FTCDNL1: variants seen among roughly 807,000 people sequenced by gnomAD.
The protein encoded by FTCDNL1 is formiminotransferase cyclodeaminase N-terminal like, also known as formiminotransferase N-terminal subdomain-containing protein.
Under a neutral mutation model 5.9 loss-of-function variants are expected in FTCDNL1, and 11 were observed. The ratio of observed to expected loss-of-function variants is 1.87; its 90% CI spans 1.18 to 3.10. The LOEUF (loss-of-function observed/expected upper bound fraction) is 3.10. Among genes scored for constraint, FTCDNL1 ranks in the 30% most tolerant of loss-of-function variants. The pLI is 0.00. For missense variants in FTCDNL1, 115 were observed against 65.5 expected, an observed-to-expected ratio of 1.76 and a Z score of -2.61; for synonymous variants, 58 against 24.8, an observed-to-expected ratio of 2.34 and a Z score of -3.99.
At chr2:199,720,013 C>A in the FTCDNL1 span, among the ~76,000 whole-genome samples, 2 of 151,990 alleles carry the variant, frequency 1.3e-5, no homozygotes, top group Admixed American at 6.5e-5. Flanking sequence ...ATTTCATTTT[C>A]TGGTAGCTAT....
At chr2:199,670,079 C>A in the FTCDNL1 span, among the ~76,000 whole-genome samples, 1 of 152,184 alleles carries the variant, frequency 6.6e-6, no homozygotes, top group Admixed American at 6.5e-5. Context: ...CAAGCATAAT[C>A]CTTACATGGA....
chr2:199,692,598 C>A, the FTCDNL1 span, among the ~76,000 whole-genome samples: 1 of 152,156 alleles, frequency 6.6e-6, no homozygotes, highest in African/African-American at 2.4e-5. Context: ...TTGATCAGTG[C>A]TTCTGCCCCA....
the FTCDNL1 span, among the ~76,000 whole-genome samples, chr2:199,716,219 A>T: frequency 6.6e-6 from 1 of 152,158 alleles, no homozygotes; most frequent in African/African-American, 2.4e-5. Flanking sequence ...AAGTATAAGG[A>T]AGTGAAAATT....
At chr2:199,677,737 A>C in the FTCDNL1 span, among the ~76,000 whole-genome samples, 1 of 152,234 alleles carries the variant, frequency 6.6e-6, no homozygotes, top group Admixed American at 6.5e-5. Flanking sequence ...GAAATGTCTA[A>C]GAAAATTGTC....
chr2:199,746,518 G>C, the FTCDNL1 span, among the ~76,000 whole-genome samples: 3 of 152,012 alleles, frequency 2.0e-5, no homozygotes, highest in Non-Finnish European at 4.4e-5. Flanking sequence ...TGAGCCCTAT[G>C]AGGAGGTCGG....
rs1184023978 is a variant in FTCDNL1, at chr2:199,812,704, GT to G, written c.417del (p.Ter139CysfsTer49). ...CGLTACFRAL[*>X] ...ATTCCAATTTTCTTCCAACACAACT[GT>G]CACAACGCCCTGAAGCAAGCTAAAA... On this transcript the variant is annotated frameshift_variant and stop_lost, in exon 5 of 5. Coordinates refer to ENST00000420128, the MANE Select transcript of FTCDNL1 (RefSeq NM_001363886.2). LOFTEE classifies it high-confidence loss of function. 4 of 699,060 alleles carry G rather than the reference GT, an allele frequency of 5.7e-6. No homozygotes were observed. In the Admixed American group the frequency reaches 8.1e-5, roughly 14 times the overall value. The allele number at this position is 699,060 out of a possible 1,614,324, so 43.3% of individuals were successfully genotyped here.
At chr2:199,800,413 G>A (rs550947528) in intron 3 of FTCDNL1, among the ~76,000 whole-genome samples, 3 of 152,118 alleles carry the variant, frequency 2.0e-5, no homozygotes, top group Non-Finnish European at 2.9e-5. Context: ...CACACGGCCA[G>A]GTCCAGGTCC....
the FTCDNL1 span, among the ~76,000 whole-genome samples, chr2:199,688,542 G>A: frequency 1.3e-5 from 2 of 152,072 alleles, no homozygotes; most frequent in South Asian, 4.1e-4. Flanking sequence ...CACTCACACC[G>A]ATAATGGTAT....
chr2:199,790,538 G>A (rs964999154), intron 3 of FTCDNL1, among the ~76,000 whole-genome samples: 1 of 151,268 alleles, frequency 6.6e-6, no homozygotes, highest in African/African-American at 2.4e-5. Flanking sequence ...ATACAAAGGG[G>A]TATCTTTGTA....
the FTCDNL1 span, among the ~76,000 whole-genome samples, chr2:199,703,317 C>G: frequency 6.6e-6 from 1 of 151,902 alleles, no homozygotes; most frequent in East Asian, 1.9e-4. Context: ...GGCACCAGCT[C>G]ATGTGGCTGT....
the FTCDNL1 span, among the ~76,000 whole-genome samples, chr2:199,668,603 A>T: frequency 1.3e-5 from 2 of 152,054 alleles, no homozygotes; most frequent in African/African-American, 2.4e-5. Flanking sequence ...GAGATCAGGG[A>T]TTACTCTGCC....
chr2:199,787,280 T>A (rs1699703690), intron 3 of FTCDNL1, among the ~76,000 whole-genome samples: 1 of 152,106 alleles, frequency 6.6e-6, no homozygotes, highest in Admixed American at 6.6e-5. Context: ...CCTTCCAGGT[T>A]CAAGCGATTC....
chr2:199,799,274 A>C (rs1221151431), intron 3 of FTCDNL1, among the ~76,000 whole-genome samples: 1 of 152,226 alleles, frequency 6.6e-6, no homozygotes, highest in Non-Finnish European at 1.5e-5. Context: ...GTGTCAAAAT[A>C]AACTGGAAAA....
chr2:199,837,130 G>C (rs1702804315), intron 3 of FTCDNL1, among the ~76,000 whole-genome samples: 1 of 152,166 alleles, frequency 6.6e-6, no homozygotes, highest in African/African-American at 2.4e-5. Flanking sequence ...TTTTACAGTA[G>C]TTGGTAGACT....
the FTCDNL1 span, among the ~76,000 whole-genome samples, chr2:199,738,292 T>A: frequency 6.6e-6 from 1 of 152,160 alleles, no homozygotes; most frequent in Non-Finnish European, 1.5e-5. Context: ...AACTACTGTT[T>A]TAGTTGTTTG....
the FTCDNL1 span, among the ~76,000 whole-genome samples, chr2:199,699,269 C>A: frequency 3.3e-5 from 5 of 152,044 alleles, no homozygotes; most frequent in Non-Finnish European, 7.4e-5. Flanking sequence ...GAGTTTGAGA[C>A]CAGCCTGGGC....
At chr2:199,777,348 G>A (rs1464438997) in intron 3 of FTCDNL1, among the ~76,000 whole-genome samples, 2 of 152,114 alleles carry the variant, frequency 1.3e-5, no homozygotes, top group Admixed American at 6.6e-5. Flanking sequence ...CAGAATTGTG[G>A]AAGCTAGAAA....
At chr2:199,707,160 G>C in the FTCDNL1 span, among the ~76,000 whole-genome samples, 1 of 152,154 alleles carries the variant, frequency 6.6e-6, no homozygotes, top group Non-Finnish European at 1.5e-5. Flanking sequence ...TCGACTCCTA[G>C]ATTTAGAGAC....
intron 4 of FTCDNL1, among the ~76,000 whole-genome samples, chr2:199,816,409 CT>C (rs1701355353): frequency 6.6e-6 from 1 of 152,140 alleles, no homozygotes; most frequent in African/African-American, 2.4e-5. Context: ...AATACAGGCA[CT>C]GAAACTTAGC....
Sources: allele counts gnomAD v4.1 joint callset (sites outside exome capture counted in the v4.1 genomes callset), GRCh38; gene constraint gnomAD v4.1.1; transcripts MANE v1.5; gene names NCBI Gene and HGNC (gene_info 2026-07-23, HGNC 2026-07-21).